The following MALRD1 variants were observed in gnomAD, a reference collection of about 807,000 sequenced individuals.
MALRD1 encodes the protein MAM and LDL receptor class A domain containing 1.
A neutral mutation model predicts 242.1 loss-of-function variants in MALRD1; 247 were observed. The ratio of observed to expected loss-of-function variants is 1.02; its 90% CI spans 0.92 to 1.13. The LOEUF is 1.13. Ranked by LOEUF, MALRD1 falls within the 50% of genes most tolerant of loss-of-function variation. MALRD1 has a pLI of 0.00. For synonymous variants in MALRD1, 995 were observed against 866.6 expected, an observed-to-expected ratio of 1.15 and a Z score of -2.60; for missense variants, 2,989 against 2,533.1, an observed-to-expected ratio of 1.18 and a Z score of -3.86.
intron 36 of MALRD1, among the ~76,000 whole-genome samples, chr10:19,628,646 G>A (rs188030994): frequency 6.6e-6 from 1 of 152,132 alleles, no homozygotes; most frequent in East Asian, 1.9e-4. Flanking sequence ...AGATTGGCTT[G>A]GGGGAAAGAG....
chr10:19,346,190 T>C (rs903971831), intron 24 of MALRD1, among the ~76,000 whole-genome samples: 15 of 152,136 alleles, frequency 9.9e-5, no homozygotes. Flanking sequence ...AGAATGTATC[T>C]ATACAGAAAC....
chr10:19,112,767 G>A (rs191767274), intron 5 of MALRD1, among the ~76,000 whole-genome samples: 2 of 152,192 alleles, frequency 1.3e-5, no homozygotes, highest in East Asian at 3.9e-4. Context: ...GGTAAGTAAG[G>A]AGAACAGATT....
intron 32 of MALRD1, among the ~76,000 whole-genome samples, chr10:19,550,402 G>A (rs1188910469): frequency 3.3e-5 from 5 of 152,032 alleles, no homozygotes; most frequent in Non-Finnish European, 7.4e-5. Flanking sequence ...AGATAAACAT[G>A]TGTCTTGGTT....
chr10:19,171,181 T>C (rs1316271489), intron 13 of MALRD1, among the ~76,000 whole-genome samples: 3 of 151,800 alleles, frequency 2.0e-5, no homozygotes, highest in African/African-American at 7.2e-5. Context: ...GAAGGAATAA[T>C]ATAATTGAAT....
intron 33 of MALRD1, among the ~76,000 whole-genome samples, chr10:19,590,533 CA>C (rs531927312): frequency 3.3e-5 from 5 of 151,802 alleles, no homozygotes; most frequent in African/African-American, 1.2e-4. Flanking sequence ...GTCAGCTTCC[CA>C]GGGAACCTGG....
At chr10:19,413,830 A>G (rs1267631622) in intron 28 of MALRD1, among the ~76,000 whole-genome samples, 1 of 151,996 alleles carries the variant, frequency 6.6e-6, no homozygotes, top group African/African-American at 2.4e-5. Flanking sequence ...GGGTACCTGT[A>G]GTCCCAGCCA....
At chr10:19,185,985 A>C (rs1835722987) in intron 14 of MALRD1, among the ~76,000 whole-genome samples, 1 of 152,142 alleles carries the variant, frequency 6.6e-6, no homozygotes, top group Non-Finnish European at 1.5e-5. Context: ...GTATAATTAC[A>C]AATTACTTTT....
At chr10:19,421,155 C>G (rs529606849) in intron 28 of MALRD1, among the ~76,000 whole-genome samples, 1 of 152,302 alleles carries the variant, frequency 6.6e-6, no homozygotes, top group East Asian at 1.9e-4. Flanking sequence ...GCCAAAACAA[C>G]AATACCTGAT....
At chr10:19,486,607 C>T (rs1165775219) in intron 29 of MALRD1, among the ~76,000 whole-genome samples, 1 of 152,126 alleles carries the variant, frequency 6.6e-6, no homozygotes, top group African/African-American at 2.4e-5. Flanking sequence ...TAATATTCTT[C>T]ATGTGGTTAC....
At chr10:19,331,235 TAAA>T in intron 23 of MALRD1, 131 bp from the exon 24 acceptor site, 2 of 800,814 alleles carry the variant, frequency 2.5e-6, no homozygotes, top group Non-Finnish European at 3.9e-6. Context: ...CATAGGGACA[TAAA>T]AAACAAAAAC....
chr10:19,660,766 G>A (rs541261117), intron 36 of MALRD1, among the ~76,000 whole-genome samples: 1 of 152,216 alleles, frequency 6.6e-6, no homozygotes, highest in East Asian at 1.9e-4. Flanking sequence ...TTTCATAAAA[G>A]AGAAACCTAG....
chr10:19,632,626 G>T (rs1329679865), intron 36 of MALRD1, among the ~76,000 whole-genome samples: 2 of 151,910 alleles, frequency 1.3e-5, no homozygotes, highest in Admixed American at 1.3e-4. Flanking sequence ...CTTATTCAAG[G>T]ATGTCAGAAA....
At chr10:19,069,337 A>G (rs1301598319) in intron 2 of MALRD1, among the ~76,000 whole-genome samples, 1 of 151,974 alleles carries the variant, frequency 6.6e-6, no homozygotes, top group African/African-American at 2.4e-5. Flanking sequence ...CGATATTTTT[A>G]TTTTGTTCTA....
At chr10:19,675,381 C>A (rs1842097506) in intron 36 of MALRD1, among the ~76,000 whole-genome samples, 1 of 152,136 alleles carries the variant, frequency 6.6e-6, no homozygotes, top group Non-Finnish European at 1.5e-5. Flanking sequence ...AAAGCCATTG[C>A]TCTCTGAGCT....
At chr10:19,576,477 G>A (rs766733100) in intron 33 of MALRD1, among the ~76,000 whole-genome samples, 14 of 152,038 alleles carry the variant, frequency 9.2e-5, no homozygotes, top group Non-Finnish European at 1.8e-4. Flanking sequence ...GTATACTTTC[G>A]TGTTGTATAA....
At chr10:19,569,165 A>G (rs1270793926) in intron 33 of MALRD1, among the ~76,000 whole-genome samples, 1 of 152,106 alleles carries the variant, frequency 6.6e-6, no homozygotes, top group Non-Finnish European at 1.5e-5. Context: ...TTGAGGTCAT[A>G]TAACCATCTG....
chr10:19,223,322 A>G (rs976051392), intron 18 of MALRD1, among the ~76,000 whole-genome samples: 2 of 152,102 alleles, frequency 1.3e-5, no homozygotes, highest in Non-Finnish European at 2.9e-5. Flanking sequence ...TTCAGAAATT[A>G]TTTTCAAAAC....
chr10:19,391,837 A>G (rs1160913834), intron 28 of MALRD1, among the ~76,000 whole-genome samples: 1 of 152,222 alleles, frequency 6.6e-6, no homozygotes, highest in Admixed American at 6.5e-5. Context: ...TTAGGCTTCA[A>G]GTGTCACTCT....
At chr10:19,665,884 ATTT>A in intron 36 of MALRD1, among the ~76,000 whole-genome samples, 1 of 146,460 alleles carries the variant, frequency 6.8e-6, no homozygotes, top group East Asian at 2.0e-4. Context: ...TTTTCTAATG[ATTT>A]TTTTTTTTTT....
Sources: gnomAD v4.1 joint callset for allele counts (sites outside exome capture counted in the v4.1 genomes callset) on GRCh38, gnomAD v4.1.1 for gene constraint, MANE v1.5 for transcripts, NCBI Gene and HGNC (gene_info 2026-07-23, HGNC 2026-07-21) for gene names.